Variants in SNX18 observed in about 807,000 individuals in gnomAD.
SNX18 encodes sorting nexin 18.
In SNX18, 35 loss-of-function variants were observed where a neutral mutation model predicts 48.7. The ratio of observed to expected loss-of-function variants is 0.72; its 90% CI spans 0.55 to 0.95. The LOEUF (loss-of-function observed/expected upper bound fraction) is 0.95, where lower values mean the gene tolerates loss of function less well. SNX18 is among the 40% of genes least tolerant of loss of function. The pLI is 0.00. For synonymous variants in SNX18, 492 were observed against 384.7 expected (o/e 1.28, Z -3.26); for missense variants, 824 against 871.0 (o/e 0.95, Z 0.68).
the SNX18 span, among the ~76,000 whole-genome samples, chr5:54,553,943 A>G: frequency 1.3e-5 from 2 of 152,212 alleles, no homozygotes; most frequent in African/African-American, 2.4e-5. Flanking sequence ...TGAATCAGCA[A>G]ACTTTAGCAC....
chr5:54,546,049 C>T lies in SNX18; in HGVS notation c.*2617C>T, dbSNP rs900608442. 2 of 152,142 alleles carry T rather than the reference C, an allele frequency of 1.3e-5. No homozygotes were observed. Among genetic ancestry groups the T allele is most frequent in the African/African-American group, 2.4e-5 (1 of 41,436 alleles). 9.4% of individuals were successfully genotyped at this position (152,142 alleles called of 1,614,324 possible). ...GTCGTAATCTTGTTCCCCGTCCAAG[C>T]TGTTGTATCTGAAGGTACCCAGTTT... On this transcript the variant is annotated 3_prime_UTR_variant, in exon 2 of 2. Transcript: ENST00000381410.
chr5:54,580,747 G>A, the SNX18 span, among the ~76,000 whole-genome samples: 3 of 152,168 alleles, frequency 2.0e-5, no homozygotes. Flanking sequence ...CAATCTCTGA[G>A]AAGAATAAAA....
At chr5:54,636,431 TG>T in the SNX18 span, among the ~76,000 whole-genome samples, 1 of 151,868 alleles carries the variant, frequency 6.6e-6, no homozygotes, top group African/African-American at 2.4e-5. Context: ...AAATCTTCAG[TG>T]AAAAAAAAAA....
At chr5:54,646,928 G>C in the SNX18 span, among the ~76,000 whole-genome samples, 2 of 152,292 alleles carry the variant, frequency 1.3e-5, no homozygotes, top group South Asian at 4.1e-4. Flanking sequence ...CTTTCTCCAA[G>C]AGAGCTGGGA....
chr5:54,624,750 C>T, the SNX18 span, among the ~76,000 whole-genome samples: 3 of 152,120 alleles, frequency 2.0e-5, no homozygotes, highest in Non-Finnish European at 2.9e-5. Flanking sequence ...TATGTCAAAG[C>T]TAATATAATG....
the SNX18 span, among the ~76,000 whole-genome samples, chr5:54,593,515 G>C: frequency 6.6e-6 from 1 of 152,128 alleles, no homozygotes; most frequent in East Asian, 1.9e-4. Flanking sequence ...CAAAATCTCA[G>C]CAGTATTTTT....
At chr5:54,584,008 C>T in the SNX18 span, among the ~76,000 whole-genome samples, 7 of 151,340 alleles carry the variant, frequency 4.6e-5, no homozygotes, top group East Asian at 1.9e-4. Context: ...CTCCTCAGGC[C>T]AGGAGGGAGG....
At chr5:54,530,246 C>A (rs1327691749) in intron 1 of SNX18, among the ~76,000 whole-genome samples, 1 of 152,138 alleles carries the variant, frequency 6.6e-6, no homozygotes, top group Non-Finnish European at 1.5e-5. Context: ...TATTCAGAGA[C>A]CCTGTTTCCA....
the SNX18 span, among the ~76,000 whole-genome samples, chr5:54,632,384 C>T: frequency 3.9e-5 from 6 of 152,136 alleles, no homozygotes; most frequent in Non-Finnish European, 7.4e-5. Context: ...TTTTGACTGC[C>T]CACATTGAGC....
chr5:54,631,558 C>T, the SNX18 span, among the ~76,000 whole-genome samples: 1 of 152,182 alleles, frequency 6.6e-6, no homozygotes, highest in African/African-American at 2.4e-5. Flanking sequence ...TTTTATTGAG[C>T]ATCTACTGTA....
At chr5:54,542,405 T>A (rs1372890004) in intron 1 of SNX18, among the ~76,000 whole-genome samples, 1 of 152,126 alleles carries the variant, frequency 6.6e-6, no homozygotes, top group African/African-American at 2.4e-5. Flanking sequence ...ATCCTTATAG[T>A]CCCAAAAAAG....
chr5:54,577,097 G>A, the SNX18 span, among the ~76,000 whole-genome samples: 7 of 152,078 alleles, frequency 4.6e-5, no homozygotes, highest in South Asian at 2.1e-4. Flanking sequence ...CACCGTGCCC[G>A]GCCATAAGTA....
chr5:54,539,496 T>TAC (rs772549933), intron 1 of SNX18, among the ~76,000 whole-genome samples: 2 of 152,224 alleles, frequency 1.3e-5, no homozygotes, highest in Non-Finnish European at 2.9e-5. Flanking sequence ...GCTGGGCATG[T>TAC]AGCAGGCCCT....
chr5:54,621,383 C>G, the SNX18 span, among the ~76,000 whole-genome samples: 1 of 152,150 alleles, frequency 6.6e-6, no homozygotes, highest in African/African-American at 2.4e-5. Flanking sequence ...CCTGACTAGT[C>G]CTGACCAGGG....
At position 54,546,468 on chromosome 5, in the gene SNX18, A is replaced by G. The variant is rs1049908503; in HGVS notation, c.*3036A>G. The G allele has an allele frequency of 1.3e-5, 2 of 152,204 alleles. No individual in the cohort carries two copies. The highest frequency in any genetic ancestry group is 2.9e-5 in the Non-Finnish European group (2 of 68,034). 9.4% of individuals were successfully genotyped at this position (152,204 alleles called of 1,614,324 possible). ...GTTAACAGAATAAGTAAAACAGGGT[A>G]TTATTTATTTGTAGTCTAGAAATGT... is the stretch of plus-strand genomic sequence containing the variant. On this transcript the variant is annotated 3_prime_UTR_variant, in exon 2 of 2. Coordinates refer to ENST00000381410, the MANE Select transcript of SNX18 (RefSeq NM_001102575.2).
At chr5:54,608,489 G>T in the SNX18 span, among the ~76,000 whole-genome samples, 59 of 152,078 alleles carry the variant, frequency 3.9e-4, no homozygotes, top group African/African-American at 1.4e-3. Flanking sequence ...TCCCACCTTG[G>T]CCTCCCAAAG....
the SNX18 span, among the ~76,000 whole-genome samples, chr5:54,615,070 T>C: frequency 6.6e-6 from 1 of 152,152 alleles, no homozygotes; most frequent in Non-Finnish European, 1.5e-5. Context: ...AAAAACATTA[T>C]AGATGGAGGG....
the SNX18 span, among the ~76,000 whole-genome samples, chr5:54,596,851 G>T: frequency 2.9e-4 from 44 of 152,308 alleles, no homozygotes; most frequent in East Asian, 8.1e-3. Flanking sequence ...TGGTTCCCTG[G>T]GCAGTGTGTA....
the SNX18 span, among the ~76,000 whole-genome samples, chr5:54,633,812 A>C: frequency 6.6e-6 from 1 of 152,204 alleles, no homozygotes. Context: ...ATAGTAAGCC[A>C]TGTTCTTTTA....
Sources: allele counts gnomAD v4.1 joint callset (sites outside exome capture counted in the v4.1 genomes callset), GRCh38; gene constraint gnomAD v4.1.1; transcripts MANE v1.5; gene names NCBI Gene and HGNC (gene_info 2026-07-23, HGNC 2026-07-21).